CORIN: variants seen among roughly 807,000 people sequenced by gnomAD.
CORIN encodes the protein corin, serine peptidase.
A neutral mutation model predicts 125.3 loss-of-function variants in CORIN; 117 were observed. That is an observed-to-expected ratio of 0.93 (90% CI 0.80 to 1.09). The LOEUF is 1.09. Ranked by LOEUF, CORIN falls within the 50% of genes least tolerant of loss-of-function variation. The probability of loss-of-function intolerance (pLI) is 0.00; values close to 1 mark genes in which losing one functional copy is unlikely to be tolerated. For missense variants in CORIN, 1,253 were observed against 1,306.7 expected, an observed-to-expected ratio of 0.96 and a Z score of 0.63; for synonymous variants, 450 against 466.4, an observed-to-expected ratio of 0.96 and a Z score of 0.45.
intron 2 of CORIN, among the ~76,000 whole-genome samples, chr4:47,793,648 C>A (rs1379083542): frequency 1.3e-5 from 2 of 152,138 alleles, no homozygotes; most frequent in Non-Finnish European, 2.9e-5. Context: ...TACACAGACA[C>A]AGAGAGAAAC....
chr4:47,610,223 G>T (rs1721819803), intron 19 of CORIN, among the ~76,000 whole-genome samples: 1 of 152,142 alleles, frequency 6.6e-6, no homozygotes, highest in South Asian at 2.1e-4. Flanking sequence ...TCCCACCAAT[G>T]GTGTAAAAGC....
chr4:47,794,879 CT>C (rs1401813475), intron 2 of CORIN, among the ~76,000 whole-genome samples: 1 of 151,902 alleles, frequency 6.6e-6, no homozygotes, highest in Admixed American at 6.6e-5. Context: ...CTTGAAAGAG[CT>C]TTTTTTTCCG....
intron 3 of CORIN, among the ~76,000 whole-genome samples, chr4:47,779,624 C>T (rs1191692136): frequency 6.6e-6 from 1 of 151,784 alleles, no homozygotes; most frequent in East Asian, 1.9e-4. Context: ...TTAGTAGAGA[C>T]AAGGTTTCAC....
At chr4:47,610,783 G>A (rs1011851068) in intron 19 of CORIN, among the ~76,000 whole-genome samples, 2 of 152,152 alleles carry the variant, frequency 1.3e-5, no homozygotes, top group Admixed American at 6.5e-5. Flanking sequence ...GTGTAAGGAA[G>A]GGGTCCAGTT....
chr4:47,819,896 C>T (rs1306487084), intron 1 of CORIN, among the ~76,000 whole-genome samples: 1 of 152,112 alleles, frequency 6.6e-6, no homozygotes, highest in East Asian at 1.9e-4. Context: ...GTTTTCATAA[C>T]CTATAATCAT....
Position 47,623,659 on chromosome 4 carries a change from A to G in CORIN, c.2452T>C (p.Ser818Pro). ...TGTCCACTGGGTTCACTCTGCAGAG[A>G]ACACTGCCATGGCCACCTTCCAGGG... ...SRPGRWPWQC[S>P]LQSEPSGHIC... Residue 818 changes from serine (S) to proline (P), a missense_variant, in exon 19 of 22, where the codon TCT (serine) becomes CCT (proline). Ser to Pro is a moderately conservative substitution (Grantham distance 74). Transcript: ENST00000273857. 8 of 1,614,188 alleles carry G rather than the reference A, an allele frequency of 5.0e-6. No individual in the cohort carries two copies. Among genetic ancestry groups the G allele is most frequent in the Non-Finnish European group, 6.8e-6 (8 of 1,180,022 alleles).
intron 1 of CORIN, among the ~76,000 whole-genome samples, chr4:47,832,012 A>T (rs1449555954): frequency 6.6e-6 from 1 of 152,236 alleles, no homozygotes; most frequent in Non-Finnish European, 1.5e-5. Context: ...ATTAAATTAA[A>T]CACTTGGTGG....
chr4:47,753,429 C>A (rs546666690), intron 4 of CORIN, among the ~76,000 whole-genome samples: 3 of 152,108 alleles, frequency 2.0e-5, no homozygotes, highest in African/African-American at 7.2e-5. Context: ...TTTACCAGGA[C>A]GCGATCTTTT....
chr4:47,713,238 G>C (rs1286483540), intron 5 of CORIN, among the ~76,000 whole-genome samples: 3 of 152,194 alleles, frequency 2.0e-5, no homozygotes, highest in African/African-American at 7.2e-5. Flanking sequence ...TATTTCTAGA[G>C]CATTGTCATC....
At chr4:47,683,967 T>G in intron 6 of CORIN, 129 bp from the exon 7 acceptor site, 1 of 628,030 alleles carries the variant, frequency 1.6e-6, no homozygotes, top group Non-Finnish European at 2.7e-6. Flanking sequence ...TATTGTTTTA[T>G]AGGTGAGAAG....
At chr4:47,685,212 T>C (rs1314653475) in intron 6 of CORIN, among the ~76,000 whole-genome samples, 1 of 152,194 alleles carries the variant, frequency 6.6e-6, no homozygotes, top group Non-Finnish European at 1.5e-5. Flanking sequence ...TGAAGATTTA[T>C]ATATAGATGT....
chr4:47,837,734 G>T (rs542716621), intron 1 of CORIN, among the ~76,000 whole-genome samples, 153 bp downstream of exon 1: 128 of 152,282 alleles, frequency 8.4e-4, no homozygotes, highest in African/African-American at 3.0e-3. Context: ...CGCTGAGCGC[G>T]GAACTGTCAG....
intron 5 of CORIN, among the ~76,000 whole-genome samples, chr4:47,731,904 T>TCA (rs1196444499): frequency 2.0e-5 from 3 of 151,450 alleles, no homozygotes; most frequent in African/African-American, 7.3e-5. Context: ...CAAATGTTGT[T>TCA]GGAGGTCAAA....
At chr4:47,603,708 T>C (rs1721538479) in intron 19 of CORIN, 40 bp from the exon 20 acceptor site, 1 of 1,582,034 alleles carries the variant, frequency 6.3e-7, no homozygotes. Flanking sequence ...TCTTAAACTC[T>C]AGTTTATCAT....
intron 2 of CORIN, among the ~76,000 whole-genome samples, chr4:47,790,014 T>G (rs1731001395): frequency 1.3e-5 from 2 of 151,984 alleles, no homozygotes. Context: ...AGAGCGAGAC[T>G]CCGTCTCAAA....
At chr4:47,683,954 A>G in intron 6 of CORIN, 116 bp from the exon 7 acceptor site, 1 of 687,236 alleles carries the variant, frequency 1.5e-6, no homozygotes, top group East Asian at 2.7e-5. Context: ...CCTGGTCCAC[A>G]CCTATTGTTT....
At chr4:47,661,564 A>C in intron 12 of CORIN, 147 bp downstream of exon 12, 1 of 643,810 alleles carries the variant, frequency 1.6e-6, no homozygotes. Flanking sequence ...AATGCAATCA[A>C]GTTCACAAAT....
intron 2 of CORIN, among the ~76,000 whole-genome samples, chr4:47,794,274 T>C (rs1731198183): frequency 6.6e-6 from 1 of 152,204 alleles, no homozygotes; most frequent in African/African-American, 2.4e-5. Context: ...CTGAGAAATT[T>C]GCTAAGAGAA....
chr4:47,600,465 G>C lies in CORIN; in HGVS notation c.2813-118C>G, dbSNP rs538044130. The C allele has an allele frequency of 2.3e-5, 15 of 661,638 alleles. No individual in the cohort carries two copies. The African/African-American group carries it at 2.8e-4, about 12-fold the overall frequency. 41.0% of individuals were successfully genotyped at this position (661,638 alleles called of 1,614,324 possible). On this transcript the variant is annotated intron_variant, in intron 20 of 21. Transcript: ENST00000273857. Reference sequence around the variant, plus strand: ...ATATAAATATTTTTATACCAAGAGAGGCATATTCTTTACTTGAAATGCCAT... The same window carrying C: ...ATATAAATATTTTTATACCAAGAGACGCATATTCTTTACTTGAAATGCCAT...
Sources: allele counts gnomAD v4.1 joint callset (sites outside exome capture counted in the v4.1 genomes callset), GRCh38; gene constraint gnomAD v4.1.1; transcripts MANE v1.5; gene names NCBI Gene and HGNC (gene_info 2026-07-23, HGNC 2026-07-21).